TMEM74: variants seen among roughly 807,000 people sequenced by gnomAD.
TMEM74 encodes transmembrane protein 74.
Under a neutral mutation model 18.1 loss-of-function variants are expected in TMEM74, and 13 were observed. The ratio of observed to expected loss-of-function variants is 0.72; its 90% CI spans 0.47 to 1.14. The LOEUF (loss-of-function observed/expected upper bound fraction) is 1.14, where lower values mean the gene tolerates loss of function less well. Among genes scored for constraint, TMEM74 ranks in the 50% most tolerant of loss-of-function variants. TMEM74 has a pLI of 0.00. For missense variants in TMEM74, 372 were observed against 375.9 expected (o/e 0.99, Z 0.09); for synonymous variants, 159 against 146.6 (o/e 1.08, Z -0.61).
intron 1 of TMEM74, among the ~76,000 whole-genome samples, chr8:108,714,435 C>G (rs1249411009): frequency 3.3e-5 from 5 of 151,970 alleles, no homozygotes; most frequent in African/African-American, 1.2e-4. Context: ...ATATAGATAC[C>G]CTCTGGCACA....
At chr8:108,741,048 T>C (rs1252989047) in intron 1 of TMEM74, among the ~76,000 whole-genome samples, 2 of 152,202 alleles carry the variant, frequency 1.3e-5, no homozygotes, top group Non-Finnish European at 2.9e-5. Context: ...ATATAGATAA[T>C]ATCTTATAAA....
At chr8:108,698,483 T>C (rs1365265209) in intron 1 of TMEM74, among the ~76,000 whole-genome samples, 1 of 152,214 alleles carries the variant, frequency 6.6e-6, no homozygotes, top group African/African-American at 2.4e-5. Context: ...TGGTATATCA[T>C]GAGGACTAAA....
intron 1 of TMEM74, among the ~76,000 whole-genome samples, chr8:108,736,011 T>C (rs553834857): frequency 6.6e-6 from 1 of 152,132 alleles, no homozygotes; most frequent in Non-Finnish European, 1.5e-5. Flanking sequence ...TGTTGCAAAA[T>C]ATGAAGTCCT....
intron 2 of TMEM74, among the ~76,000 whole-genome samples, chr8:108,636,172 ATGC>A (rs761132360): frequency 2.4e-4 from 36 of 152,078 alleles, no homozygotes; most frequent in Non-Finnish European, 4.3e-4. Flanking sequence ...GCTGAATAGA[ATGC>A]TGCAGTAACA....
At chr8:108,702,358 A>AG (rs1205152480) in intron 1 of TMEM74, among the ~76,000 whole-genome samples, 1 of 151,286 alleles carries the variant, frequency 6.6e-6, no homozygotes, top group South Asian at 2.1e-4. Context: ...AAAAAAAAAA[A>AG]AAAAGAAAGA....
chr8:108,772,914 G>A (rs773140200), intron 1 of TMEM74, among the ~76,000 whole-genome samples: 1 of 152,128 alleles, frequency 6.6e-6, no homozygotes, highest in Non-Finnish European at 1.5e-5. Flanking sequence ...GGGATTCGAT[G>A]AGTAAATATG....
At chr8:108,613,714 T>C (rs2130535766) in intron 2 of TMEM74, among the ~76,000 whole-genome samples, 1 of 152,322 alleles carries the variant, frequency 6.6e-6, no homozygotes, top group Non-Finnish European at 1.5e-5. Flanking sequence ...CTGAATTCAC[T>C]TTCAAAGTCC....
intron 2 of TMEM74, among the ~76,000 whole-genome samples, chr8:108,630,771 T>C (rs1164335618): frequency 6.6e-6 from 1 of 152,020 alleles, no homozygotes; most frequent in Non-Finnish European, 1.5e-5. Flanking sequence ...AAAAGTTCTT[T>C]GAAACTAATG....
Position 108,780,497 on chromosome 8 carries a change from T to C in TMEM74, c.*3684A>G, listed in dbSNP as rs1247348595. 6.6e-6 allele frequency among the ~76,000 whole-genome samples: 1 copy of C among 152,122 alleles called. No homozygotes were observed. Among genetic ancestry groups the C allele is most frequent in the African/African-American group, 2.4e-5 (1 of 41,416 alleles). On this transcript the variant is annotated 3_prime_UTR_variant, in exon 2 of 2. Transcript: ENST00000297459. ...CAGTCACTCATTTATCAAGATTAAG[T>C]CACCCCTTATACTGGGGGGACTGAG...
At chr8:108,729,086 A>G (rs929034784) in intron 1 of TMEM74, among the ~76,000 whole-genome samples, 6 of 152,158 alleles carry the variant, frequency 3.9e-5, no homozygotes, top group Admixed American at 6.5e-5. Flanking sequence ...CCAAAATCTG[A>G]TACATGTTTC....
downstream of TMEM74, among the ~76,000 whole-genome samples, chr8:108,777,166 A>T (rs903210925): frequency 6.6e-6 from 1 of 152,236 alleles, no homozygotes; most frequent in Non-Finnish European, 1.5e-5. Flanking sequence ...ACAAGAGTAG[A>T]GGAGCAGGCA....
intron 1 of TMEM74, among the ~76,000 whole-genome samples, chr8:108,772,910 C>T (rs1488662107): frequency 6.6e-6 from 1 of 151,962 alleles, no homozygotes; most frequent in South Asian, 2.1e-4. Flanking sequence ...CATGGGGATT[C>T]GATGAGTAAA....
At chr8:108,761,693 A>G (rs1294414027) in intron 1 of TMEM74, among the ~76,000 whole-genome samples, 3 of 152,126 alleles carry the variant, frequency 2.0e-5, no homozygotes, top group Non-Finnish European at 4.4e-5. Context: ...TGCAGCTTTA[A>G]TGCTCTTCTG....
At chr8:108,763,616 T>A (rs1814069499) in intron 1 of TMEM74, among the ~76,000 whole-genome samples, 2 of 152,124 alleles carry the variant, frequency 1.3e-5, no homozygotes, top group African/African-American at 4.8e-5. Context: ...CCCTTCATTA[T>A]GGTGTTTAGA....
chr8:108,754,578 T>C (rs1157049403), intron 1 of TMEM74, among the ~76,000 whole-genome samples: 1 of 151,912 alleles, frequency 6.6e-6, no homozygotes, highest in Non-Finnish European at 1.5e-5. Flanking sequence ...TCTTGCCAAC[T>C]TTATGAAGTT....
intron 1 of TMEM74, among the ~76,000 whole-genome samples, chr8:108,681,896 C>A (rs775755843): frequency 6.6e-6 from 1 of 152,176 alleles, no homozygotes. Flanking sequence ...TGCTTCAAAT[C>A]AGAATACATC....
intron 1 of TMEM74, among the ~76,000 whole-genome samples, chr8:108,667,579 T>C (rs1256079501): frequency 6.6e-6 from 1 of 152,172 alleles, no homozygotes; most frequent in Non-Finnish European, 1.5e-5. Flanking sequence ...AACTACTTAC[T>C]GACTTCAGGA....
intron 1 of TMEM74, among the ~76,000 whole-genome samples, chr8:108,762,193 A>G (rs973993754): frequency 4.6e-5 from 7 of 152,132 alleles, no homozygotes; most frequent in Admixed American, 4.6e-4. Context: ...TATCATCTCC[A>G]TTTCTCCAAT....
intron 1 of TMEM74, among the ~76,000 whole-genome samples, chr8:108,696,643 C>T (rs1392015426): frequency 6.6e-6 from 1 of 152,198 alleles, no homozygotes; most frequent in African/African-American, 2.4e-5. Flanking sequence ...GATGAAAGCA[C>T]AGTCTTTGAA....
Sources: gnomAD v4.1 joint callset for allele counts (sites outside exome capture counted in the v4.1 genomes callset) on GRCh38, gnomAD v4.1.1 for gene constraint, MANE v1.5 for transcripts, NCBI Gene and HGNC (gene_info 2026-07-23, HGNC 2026-07-21) for gene names.